The following TAF1 variants were observed in gnomAD, a reference collection of about 807,000 sequenced individuals.
TAF1 encodes the protein TATA-box binding protein associated factor 1, also known as transcription initiation factor TFIID subunit 1.
In TAF1, 2 loss-of-function variants were observed where a neutral mutation model predicts 138.5. That is an observed-to-expected ratio of 0.01 (90% CI 0.01 to 0.05). TAF1 has a LOEUF of 0.05. TAF1 is among the 10% of genes least tolerant of loss of function. The pLI is 1.00. For missense variants in TAF1, 709 were observed against 1,478.0 expected (o/e 0.48, Z 8.53); for synonymous variants, 437 against 503.2 (o/e 0.87, Z 1.76).
chrX:71,388,841 C>A lies in TAF1; in HGVS notation c.2673C>A (p.Ser891Arg). 8.3e-7 allele frequency: 1 copy of A among 1,210,157 alleles called. No individual in the cohort carries two copies. The highest frequency in any genetic ancestry group is 1.1e-6 in the Non-Finnish European group (1 of 894,542). Reference protein sequence around the residue: ...VSPEQCCAYYSMIAAEQRLKD... With the variant: ...VSPEQCCAYYRMIAAEQRLKD... ...CAGAGCAGTGCTGTGCTTATTATAGCATGATAGCTGCAGAGCAACGACTGA... is the reference window on the plus strand; with the variant it reads ...CAGAGCAGTGCTGTGCTTATTATAGAATGATAGCTGCAGAGCAACGACTGA... Residue 891 changes from serine to arginine, a missense_variant, in exon 17 of 38, where the codon AGC (serine) becomes AGA (arginine). Ser to Arg is a moderately radical substitution (Grantham distance 110). Around this residue, in one of 14 missense-constraint regions of TAF1, gnomAD observed 23 missense variants for 24.4 expected, o/e 0.94. Transcript: ENST00000423759.
At chrX:71,370,053 C>T (rs1009967157) in intron 3 of TAF1, among the ~76,000 whole-genome samples, 3 of 109,956 alleles carry the variant, frequency 2.7e-5, no homozygotes, top group Non-Finnish European at 5.7e-5. Flanking sequence ...GGAGAAACCC[C>T]GTCTCTACTA....
chrX:71,471,451 G>T (rs2038887052), intron 13 of TAF1, among the ~76,000 whole-genome samples: 2 of 102,549 alleles, frequency 2.0e-5, no homozygotes, highest in African/African-American at 7.2e-5. Context: ...CATAGTTTAT[G>T]AAATGGTCAC....
At chrX:71,368,226 C>A (rs891868890) in intron 3 of TAF1, 56 bp downstream of exon 3, 5 of 1,117,660 alleles carry the variant, frequency 4.5e-6, no homozygotes, top group Non-Finnish European at 6.1e-6. Context: ...GCTGTATAGT[C>A]CAGTTTGGGC....
chrX:71,386,264 C>G (rs922347996), intron 14 of TAF1, among the ~76,000 whole-genome samples: 1 of 111,371 alleles, frequency 9.0e-6, no homozygotes, highest in Non-Finnish European at 1.9e-5. Flanking sequence ...ATGGTCTTCC[C>G]TCTTTCTGTC....
intron 13 of TAF1, among the ~76,000 whole-genome samples, chrX:71,503,320 ATG>A (rs761227550): frequency 1.9e-4 from 17 of 88,677 alleles, no homozygotes; most frequent in East Asian, 1.6e-3. Context: ...ATATATATAT[ATG>A]TGTGTGTATA....
downstream of TAF1, among the ~76,000 whole-genome samples, chrX:71,468,694 A>AAG (rs1556017455): frequency 2.9e-5 from 3 of 104,956 alleles, no homozygotes; most frequent in South Asian, 4.2e-4. Flanking sequence ...CAAAAAAAAA[A>AAG]AAAAAAAATT....
chrX:71,473,764 C>T (rs763709992), intron 13 of TAF1, among the ~76,000 whole-genome samples: 57 of 110,234 alleles, frequency 5.2e-4, no homozygotes, highest in African/African-American at 1.8e-3. Flanking sequence ...TGGACAGCTA[C>T]GAGTAGCCCA....
intron 29 of TAF1, among the ~76,000 whole-genome samples, chrX:71,422,770 G>A (rs766411638): frequency 1.8e-5 from 2 of 110,743 alleles, no homozygotes; most frequent in Non-Finnish European, 3.8e-5. Flanking sequence ...ATAGAGCTTC[G>A]CTCTGTCCAC....
chrX:71,491,040 G>GTTTT (rs1210295875), intron 13 of TAF1: 10 of 69,734 alleles, frequency 1.4e-4, no homozygotes, highest in African/African-American at 4.7e-4. Context: ...TGTTGTTGTT[G>GTTTT]TTGTTTTTTT....
intron 13 of TAF1, among the ~76,000 whole-genome samples, chrX:71,524,927 T>C (rs1379677828): frequency 2.2e-5 from 2 of 90,829 alleles, no homozygotes; most frequent in African/African-American, 8.6e-5. Context: ...GGTGACAGAG[T>C]GAGACTCTGT....
intron 35 of TAF1, chrX:71,459,000 G>A: frequency 3.8e-6 from 1 of 264,271 alleles, no homozygotes; most frequent in Non-Finnish European, 6.7e-6. Flanking sequence ...GGGGGAAAAT[G>A]CGCATGCCTT....
At chrX:71,512,817 CA>C (rs1050524867) in intron 13 of TAF1, among the ~76,000 whole-genome samples, 9 of 103,683 alleles carry the variant, frequency 8.7e-5, no homozygotes, top group East Asian at 3.0e-4. Context: ...GACTCAGTCT[CA>C]AAAAAAAAAG....
chrX:71,474,816 G>A (rs1005841854), intron 13 of TAF1, among the ~76,000 whole-genome samples: 7 of 111,782 alleles, frequency 6.3e-5, no homozygotes, highest in African/African-American at 2.3e-4. Flanking sequence ...CATTTTAGCT[G>A]AGACTTGAAG....
At chrX:71,491,969 A>G (rs2039296367) in intron 13 of TAF1, 1 of 112,585 alleles carries the variant, frequency 8.9e-6, no homozygotes, top group Admixed American at 9.4e-5. Context: ...CCGGCCTCTA[A>G]CAACATTCTT....
chrX:71,503,277 AATATATATATATATATATGTGTATAT>A (rs2039546683), intron 13 of TAF1, among the ~76,000 whole-genome samples: 1 of 90,169 alleles, frequency 1.1e-5, no homozygotes, highest in African/African-American at 4.5e-5. Flanking sequence ...TCAAAAAAAA[AATATATATATATATATATGTGTATAT>A]ATATATATAT....
intron 13 of TAF1, among the ~76,000 whole-genome samples, chrX:71,484,027 T>G (rs1327203195): frequency 1.8e-5 from 2 of 110,001 alleles, no homozygotes; most frequent in Non-Finnish European, 1.9e-5. Flanking sequence ...CATTCTTTTC[T>G]TTTTCTTTTT....
chrX:71,530,185 T>A lies in TAF1; in HGVS notation c.*647T>A, dbSNP rs765809279. On this transcript the variant is annotated 3_prime_UTR_variant and NMD_transcript_variant, in exon 15 of 15. Transcript: ENST00000373775. Reference sequence around the variant, plus strand: ...GAAATCAGTTTCTTCTTTACTTTTATTCAGGTTACAAGATTTCTGGAAGGT... The same window carrying A: ...GAAATCAGTTTCTTCTTTACTTTTAATCAGGTTACAAGATTTCTGGAAGGT... 4.6e-3 allele frequency: 593 copies of A among 127,652 alleles called. 3 individuals carry two copies. The highest frequency in any genetic ancestry group is 0.018 in the African/African-American group (570 of 30,998). The allele number at this position is 127,652 out of a possible 1,213,427, so 10.5% of individuals were successfully genotyped here.
intron 25 of TAF1, among the ~76,000 whole-genome samples, chrX:71,404,006 C>T (rs1253613557): frequency 1.9e-5 from 2 of 107,919 alleles, no homozygotes; most frequent in Non-Finnish European, 3.8e-5. Flanking sequence ...CAGAGTCTTC[C>T]TCCTTTGCCC....
Position 71,507,133 on chromosome X carries a change from T to C in TAF1, c.1367-21409T>C, listed in dbSNP as rs143841607. ...TACATATGGGGTGACGAAGCTGTTA[T>C]GAAACTATATAGAGGTGATTATTAT... On this transcript the variant is annotated intron_variant and NMD_transcript_variant, in intron 13 of 14. Coordinates refer to the TAF1 transcript ENST00000373775. 1.6e-4 allele frequency among the ~76,000 whole-genome samples: 18 copies of C among 112,339 alleles called. No individual in the cohort carries two copies. The East Asian group carries it at 5.0e-3, about 31-fold the overall frequency.
Sources: allele counts gnomAD v4.1 joint callset (sites outside exome capture counted in the v4.1 genomes callset), GRCh38; gene constraint gnomAD v4.1.1; regional missense constraint gnomAD v4.1.1; transcripts MANE v1.5; gene names NCBI Gene and HGNC (gene_info 2026-07-23, HGNC 2026-07-21).